KIRREL3: variants seen among roughly 807,000 people sequenced by gnomAD.
KIRREL3 encodes kirre like nephrin family adhesion molecule 3.
A neutral mutation model predicts 89.7 loss-of-function variants in KIRREL3; 36 were observed. That is an observed-to-expected ratio of 0.40 (90% confidence interval 0.31 to 0.53). The LOEUF (loss-of-function observed/expected upper bound fraction) is 0.53. Among genes scored for constraint, KIRREL3 ranks in the 20% least tolerant of loss-of-function variants. The pLI, the probability that KIRREL3 is intolerant of heterozygous loss-of-function variation, is 0.49. For synonymous variants in KIRREL3, 445 were observed against 441.4 expected, an observed-to-expected ratio of 1.01 and a Z score of -0.10; for missense variants, 864 against 1,056.6, an observed-to-expected ratio of 0.82 and a Z score of 2.53.
At chr11:127,002,149 C>A (rs901202637), upstream of KIRREL3, among the ~76,000 whole-genome samples, 3 of 152,120 alleles carry the variant, frequency 2.0e-5, no homozygotes, top group African/African-American at 7.2e-5. Context: ...TATTTGTGAA[C>A]AAGAAAGAAA....
chr11:126,483,564 T>C (rs1201646455), intron 4 of KIRREL3, among the ~76,000 whole-genome samples: 4 of 152,210 alleles, frequency 2.6e-5, no homozygotes, highest in African/African-American at 9.6e-5. Flanking sequence ...CCCTCCACTA[T>C]GGCCAGGTGA....
At chr11:126,442,916 C>G (rs1955638017) in intron 10 of KIRREL3, among the ~76,000 whole-genome samples, 1 of 152,202 alleles carries the variant, frequency 6.6e-6, no homozygotes, top group South Asian at 2.1e-4. Context: ...GGGGTGGAGG[C>G]AGAGGAGGGG....
At position 126,905,304 on chromosome 11, in the gene KIRREL3, C is replaced by T. The variant is rs994956641; in HGVS notation, c.55+95151G>A. Among the ~76,000 whole-genome samples the T allele has an allele frequency of 6.6e-6, 1 of 152,098 alleles. No homozygotes were observed. The highest frequency in any genetic ancestry group is 2.4e-5 in the African/African-American group (1 of 41,416). On this transcript the variant is annotated intron_variant, in intron 1 of 16. Transcript: ENST00000525144. The surrounding 1 kb of genome is among the most constrained non-coding windows in gnomAD (Gnocchi z 5.0). ...GGGGGAGCTGCAAGCTGAGGGGCTG[C>T]ACCAGGAATACAGGATTCCTGGGAG...
intron 1 of KIRREL3, among the ~76,000 whole-genome samples, chr11:126,759,571 T>C (rs1009418426): frequency 6.6e-6 from 1 of 152,226 alleles, no homozygotes; most frequent in African/African-American, 2.4e-5. Flanking sequence ...TGGAGATCAT[T>C]AGACAACACG....
At position 126,788,965 on chromosome 11, in the gene KIRREL3, T is replaced by C. The variant is rs1390607012; in HGVS notation, c.55+211490A>G. Among the ~76,000 whole-genome samples, 1 of 152,176 alleles carries C rather than the reference T, an allele frequency of 6.6e-6. No individual in the cohort carries two copies. Among genetic ancestry groups the C allele is most frequent in the Non-Finnish European group, 1.5e-5 (1 of 68,034 alleles). ...CTGGGCACCTAGTCAAACAAATCCC[T>C]GTCAAGATTTCTTTGACCCAACGGT... On this transcript the variant is annotated intron_variant, in intron 1 of 16. Coordinates refer to ENST00000525144, the MANE Select transcript of KIRREL3 (RefSeq NM_032531.4). This position sits in a 1 kb window ranked among gnomAD's most constrained non-coding sequence, Gnocchi z 4.1.
chr11:126,749,309 C>T (rs932725468), intron 1 of KIRREL3, among the ~76,000 whole-genome samples: 5 of 152,208 alleles, frequency 3.3e-5, no homozygotes, highest in African/African-American at 1.2e-4. Context: ...CCCGATACGA[C>T]TTATCTGCTA....
rs1456343261 is a variant in KIRREL3 at position 126,682,142 on chromosome 11, A to C, written c.56-119230T>G. The C allele has an allele frequency of 1.2e-5, 4 of 332,414 alleles. No individual in the cohort carries two copies. The highest frequency in any genetic ancestry group is 2.4e-5 in the Non-Finnish European group (4 of 168,742). The allele number at this position is 332,414 out of a possible 1,614,324, so 20.6% of individuals were successfully genotyped here. On this transcript the variant is annotated intron_variant, in intron 1 of 16. Coordinates refer to ENST00000525144, the MANE Select transcript of KIRREL3 (RefSeq NM_032531.4). The surrounding 1 kb of genome is among the most constrained non-coding windows in gnomAD (Gnocchi z 4.8). ...TCATATTTAGGACCTGGGTGAAGGA[A>C]GAGTGGGCATCACAGAGCTGCTGTG...
intron 1 of KIRREL3, among the ~76,000 whole-genome samples, chr11:126,650,135 C>G (rs1170817177): frequency 2.0e-5 from 3 of 152,218 alleles, no homozygotes; most frequent in African/African-American, 7.2e-5. Flanking sequence ...AGTCCCTAGG[C>G]TGCACACAGC....
intron 1 of KIRREL3, among the ~76,000 whole-genome samples, chr11:126,984,375 G>A (rs529361056): frequency 6.6e-6 from 1 of 152,318 alleles, no homozygotes; most frequent in South Asian, 2.1e-4. Context: ...CACATGCTTG[G>A]AGGATGAGGA....
chr11:126,770,561 G>T (rs1371135933), intron 1 of KIRREL3, among the ~76,000 whole-genome samples: 6 of 152,120 alleles, frequency 3.9e-5, no homozygotes, highest in African/African-American at 1.2e-4. Flanking sequence ...GAAGCACATC[G>T]TGCCTCTTGT....
chr11:126,669,984 C>G lies in KIRREL3; in HGVS notation c.56-107072G>C, dbSNP rs926511125. Among the ~76,000 whole-genome samples, 6 of 152,196 alleles carry G rather than the reference C, an allele frequency of 3.9e-5. No individual in the cohort carries two copies. The highest frequency in any genetic ancestry group is 5.9e-5 in the Non-Finnish European group (4 of 68,030). On this transcript the variant is annotated intron_variant, in intron 1 of 16. Transcript: ENST00000525144. This position sits in a 1 kb window ranked among gnomAD's most constrained non-coding sequence, Gnocchi z 5.0. ...TCCACCCCGTTGCTCAAGCTCATGC[C>G]TCAGTCTCCCCTGACTCTTCCCATT...
intron 1 of KIRREL3, among the ~76,000 whole-genome samples, chr11:126,858,412 T>C (rs895005964): frequency 1.5e-4 from 23 of 152,296 alleles, no homozygotes; most frequent in African/African-American, 5.3e-4. Context: ...GCTGGGATGA[T>C]GTGGCAGGGT....
At position 126,710,156 on chromosome 11, in the gene KIRREL3, T is replaced by G. The variant is rs1410354839; in HGVS notation, c.56-147244A>C. ...ATGCTTATTCTACTATTCTGTCCTG[T>G]GTCCATCAGTAGATGGGCTGGCATC... is the stretch of plus-strand genomic sequence containing the variant. On this transcript the variant is annotated intron_variant, in intron 1 of 16. Coordinates refer to ENST00000525144, the MANE Select transcript of KIRREL3 (RefSeq NM_032531.4). This position sits in a 1 kb window ranked among gnomAD's most constrained non-coding sequence, Gnocchi z 4.2. Among the ~76,000 whole-genome samples the G allele has an allele frequency of 1.3e-5, 2 of 152,200 alleles. No homozygotes were observed. The highest frequency in any genetic ancestry group is 2.9e-5 in the Non-Finnish European group (2 of 68,030).
chr11:126,803,198 G>A (rs1951095128), intron 1 of KIRREL3, among the ~76,000 whole-genome samples: 1 of 152,152 alleles, frequency 6.6e-6, no homozygotes, highest in Non-Finnish European at 1.5e-5. Context: ...TGGCTCAGGG[G>A]ACTTCATAAG....
At chr11:126,716,207 G>T (rs897597742) in intron 1 of KIRREL3, among the ~76,000 whole-genome samples, 1 of 151,494 alleles carries the variant, frequency 6.6e-6, no homozygotes, top group Non-Finnish European at 1.5e-5. Flanking sequence ...AGAGGGAGGC[G>T]GAGGAAGAAA....
chr11:126,962,734 T>C (rs1949130720), intron 1 of KIRREL3, among the ~76,000 whole-genome samples: 1 of 152,204 alleles, frequency 6.6e-6, no homozygotes, highest in East Asian at 1.9e-4. Context: ...AAATCTTTCA[T>C]GAAAGGAACA....
chr11:126,585,753 C>T (rs563714581), intron 1 of KIRREL3, among the ~76,000 whole-genome samples: 9 of 152,334 alleles, frequency 5.9e-5, no homozygotes, highest in Admixed American at 4.6e-4. Flanking sequence ...GTCTGTTCGT[C>T]TGTCCAGAAG....
At position 126,783,090 on chromosome 11, in the gene KIRREL3, A is replaced by C. The variant is rs142069062; in HGVS notation, c.55+217365T>G. On this transcript the variant is annotated intron_variant, in intron 1 of 16. Coordinates refer to ENST00000525144, the MANE Select transcript of KIRREL3 (RefSeq NM_032531.4). This position sits in a 1 kb window ranked among gnomAD's most constrained non-coding sequence, Gnocchi z 4.3. The stretch of plus-strand genomic sequence containing the variant: ...CAACTGGGTGGCTAAGAGCAACAGA[A>C]ATTTATTCTCTCACAGTTCCGGAGA... Among the ~76,000 whole-genome samples, 1 of 152,328 alleles carries C rather than the reference A, an allele frequency of 6.6e-6. No individual in the cohort carries two copies. The highest frequency in any genetic ancestry group is 1.9e-4 in the East Asian group (1 of 5,178).
At chr11:126,810,122 G>C (rs1951331804) in intron 1 of KIRREL3, among the ~76,000 whole-genome samples, 1 of 152,138 alleles carries the variant, frequency 6.6e-6, no homozygotes, top group African/African-American at 2.4e-5. Flanking sequence ...TGATGGGGAG[G>C]GGGAGTGCTG....
Sources: gnomAD v4.1 joint callset for allele counts (sites outside exome capture counted in the v4.1 genomes callset) on GRCh38, gnomAD v4.1.1 for gene constraint, Gnocchi (gnomAD v3.1) non-coding constraint, MANE v1.5 for transcripts, NCBI Gene and HGNC (gene_info 2026-07-23, HGNC 2026-07-21) for gene names.